The following NELL1 variants were observed in gnomAD, a reference collection of about 807,000 sequenced individuals.
NELL1 encodes neural EGFL like 1.
NELL1 carries 76 observed loss-of-function variants against 107.4 expected under a neutral mutation model. The ratio of observed to expected loss-of-function variants is 0.71; its 90% CI spans 0.59 to 0.86. The LOEUF is 0.86. Among genes scored for constraint, NELL1 ranks in the 40% least tolerant of loss-of-function variants. The probability of loss-of-function intolerance (pLI) is 0.00; values close to 1 mark genes in which losing one functional copy is unlikely to be tolerated. For missense variants in NELL1, 1,024 were observed against 1,005.5 expected (o/e 1.02, Z -0.25); for synonymous variants, 353 against 341.2 (o/e 1.03, Z -0.38).
chr11:21,084,477 G>A (rs900103932), intron 12 of NELL1, among the ~76,000 whole-genome samples: 9 of 152,060 alleles, frequency 5.9e-5, no homozygotes, highest in African/African-American at 1.2e-4. Context: ...TATAGTGATC[G>A]CTTGATTTAT....
intron 13 of NELL1, among the ~76,000 whole-genome samples, chr11:21,213,180 T>C (rs560530565): frequency 2.1e-4 from 32 of 152,114 alleles, no homozygotes; most frequent in Non-Finnish European, 4.6e-4. Context: ...ATTTATAGGA[T>C]CTGTATGCTT....
At chr11:21,093,040 G>A (rs1854556459) in intron 12 of NELL1, among the ~76,000 whole-genome samples, 1 of 152,200 alleles carries the variant, frequency 6.6e-6, no homozygotes, top group Non-Finnish European at 1.5e-5. Context: ...TAGGCAGGCA[G>A]TGGAGAGCTA....
chr11:20,886,422 CCTT>C (rs1023532412), intron 5 of NELL1, among the ~76,000 whole-genome samples: 6 of 151,754 alleles, frequency 4.0e-5, no homozygotes, highest in African/African-American at 1.5e-4. Context: ...TTCTAAAAAT[CCTT>C]CTGCTTCAAA....
intron 4 of NELL1, among the ~76,000 whole-genome samples, chr11:20,875,164 G>A (rs1849278592): frequency 6.6e-6 from 1 of 152,074 alleles, no homozygotes; most frequent in South Asian, 2.1e-4. Context: ...GACCAAAAAG[G>A]TGTTTATTTT....
At chr11:21,223,654 CTTA>C (rs1260136388) in intron 13 of NELL1, among the ~76,000 whole-genome samples, 1 of 152,026 alleles carries the variant, frequency 6.6e-6, no homozygotes, top group East Asian at 1.9e-4. Flanking sequence ...TTCTTCTTCT[CTTA>C]TTGTTTATTT....
intron 15 of NELL1, among the ~76,000 whole-genome samples, chr11:21,428,219 G>T (rs1257545561): frequency 6.6e-6 from 1 of 152,136 alleles, no homozygotes; most frequent in Non-Finnish European, 1.5e-5. Flanking sequence ...ATATTCTGAG[G>T]TGGAGAGAGA....
intron 2 of NELL1, among the ~76,000 whole-genome samples, chr11:20,687,799 G>A (rs1408595610): frequency 6.6e-6 from 1 of 151,950 alleles, no homozygotes; most frequent in Non-Finnish European, 1.5e-5. Flanking sequence ...CACCATGTTG[G>A]CCAGGCTGGT....
At chr11:21,223,229 G>C (rs1170161084) in intron 13 of NELL1, among the ~76,000 whole-genome samples, 4 of 151,754 alleles carry the variant, frequency 2.6e-5, no homozygotes, top group Non-Finnish European at 5.9e-5. Context: ...TTTGCTTTAT[G>C]AATTTGGGTC....
chr11:20,731,359 A>G (rs960407182), intron 2 of NELL1, among the ~76,000 whole-genome samples: 1 of 152,224 alleles, frequency 6.6e-6, no homozygotes, highest in Non-Finnish European at 1.5e-5. Flanking sequence ...TACTTGGCTG[A>G]TGCCTGTGGC....
At chr11:21,387,400 G>C (rs1023455656) in intron 15 of NELL1, among the ~76,000 whole-genome samples, 2 of 151,708 alleles carry the variant, frequency 1.3e-5, no homozygotes, top group Non-Finnish European at 2.9e-5. Flanking sequence ...AGATTTTTTT[G>C]TCAGTGTTTG....
At chr11:20,908,533 C>T (rs1406396244) in intron 5 of NELL1, among the ~76,000 whole-genome samples, 1 of 151,980 alleles carries the variant, frequency 6.6e-6, no homozygotes, top group Non-Finnish European at 1.5e-5. Context: ...GAGAGGGGAA[C>T]ATCACACACT....
intron 2 of NELL1, among the ~76,000 whole-genome samples, chr11:20,763,502 T>C (rs1168104475): frequency 6.6e-6 from 1 of 152,180 alleles, no homozygotes; most frequent in Non-Finnish European, 1.5e-5. Flanking sequence ...TGTTGGAGTA[T>C]TAAATATCAC....
chr11:21,118,264 T>C (rs1590653567), intron 13 of NELL1, among the ~76,000 whole-genome samples: 1 of 151,984 alleles, frequency 6.6e-6, no homozygotes, highest in Non-Finnish European at 1.5e-5. Flanking sequence ...TAGCATGCAA[T>C]GACTATACTA....
intron 16 of NELL1, 23 bp from the exon 17 acceptor site, chr11:21,560,166 C>A (rs1328546697): frequency 6.2e-7 from 1 of 1,610,388 alleles, no homozygotes; most frequent in East Asian, 2.2e-5. Flanking sequence ...AGATTCTAAG[C>A]TTCTGTGCTT....
chr11:21,530,981 C>A (rs894985807), intron 15 of NELL1, among the ~76,000 whole-genome samples: 3 of 151,966 alleles, frequency 2.0e-5, no homozygotes, highest in African/African-American at 7.3e-5. Context: ...CAAGGTAAAC[C>A]TGCATAAAAT....
At chr11:21,224,343 A>C (rs916524116) in intron 13 of NELL1, among the ~76,000 whole-genome samples, 9 of 151,818 alleles carry the variant, frequency 5.9e-5, no homozygotes, top group African/African-American at 1.9e-4. Context: ...CCTGGGCTCA[A>C]GTGATCCTCC....
intron 3 of NELL1, among the ~76,000 whole-genome samples, chr11:20,785,296 G>T (rs1856931905): frequency 2.0e-5 from 3 of 152,184 alleles, no homozygotes; most frequent in African/African-American, 7.2e-5. Context: ...ATTTTGTGGG[G>T]GTGTTGTCAT....
intron 13 of NELL1, among the ~76,000 whole-genome samples, chr11:21,143,308 C>A (rs144477759): frequency 1.5e-3 from 234 of 151,912 alleles, no homozygotes; most frequent in African/African-American, 5.4e-3. Context: ...TTGCTTGGGA[C>A]AATAATAAGC....
chr11:21,238,934 A>C (rs1009921291), intron 14 of NELL1, among the ~76,000 whole-genome samples: 4 of 152,250 alleles, frequency 2.6e-5, no homozygotes, highest in Admixed American at 1.3e-4. Context: ...AACATACCTC[A>C]ACACATAAGC....
Sources: gnomAD v4.1 joint callset for allele counts (sites outside exome capture counted in the v4.1 genomes callset) on GRCh38, gnomAD v4.1.1 for gene constraint, MANE v1.5 for transcripts, NCBI Gene and HGNC (gene_info 2026-07-23, HGNC 2026-07-21) for gene names.